Variants in ABCC2 observed in about 807,000 individuals in gnomAD.
The protein encoded by ABCC2 is ATP-binding cassette sub-family C member 2.
ABCC2 carries 157 observed loss-of-function variants against 173.4 expected under a neutral mutation model. That is an observed-to-expected ratio of 0.91 (90% CI 0.80 to 1.03). The LOEUF (loss-of-function observed/expected upper bound fraction) is 1.03, where lower values mean the gene tolerates loss of function less well. Ranked by LOEUF, ABCC2 falls within the 50% of genes least tolerant of loss-of-function variation. The probability of loss-of-function intolerance (pLI) is 0.00; values close to 1 mark genes in which losing one functional copy is unlikely to be tolerated. For synonymous variants in ABCC2, 657 were observed against 693.5 expected, an observed-to-expected ratio of 0.95 and a Z score of 0.83; for missense variants, 1,822 against 1,852.3, an observed-to-expected ratio of 0.98 and a Z score of 0.30.
At chr10:99,813,470 C>G (rs1416643272) in intron 16 of ABCC2, among the ~76,000 whole-genome samples, 1 of 152,194 alleles carries the variant, frequency 6.6e-6, no homozygotes, top group Non-Finnish European at 1.5e-5. Context: ...AATCCCAGCA[C>G]TTTGAGAGGC....
chr10:99,826,069 G>A (rs1359024120), intron 19 of ABCC2, among the ~76,000 whole-genome samples: 1 of 152,126 alleles, frequency 6.6e-6, no homozygotes, highest in Non-Finnish European at 1.5e-5. Context: ...TTACATCTTG[G>A]ACATAAGTCA....
rs951539092 is a variant in ABCC2 at position 99,804,080 on chromosome 10, T to G, written c.1271T>G (p.Met424Arg). 3.1e-6 allele frequency: 5 copies of G among 1,614,090 alleles called. No individual in the cohort carries two copies. In the African/African-American group the frequency reaches 6.7e-5, roughly 22 times the overall value. ...ACCGTTGGAGAAACAGTGAACCTGATGTCTGTGGATGCCCAGAAGCTCATG... is the reference window on the plus strand; with the variant it reads ...ACCGTTGGAGAAACAGTGAACCTGAGGTCTGTGGATGCCCAGAAGCTCATG... ...EYTVGETVNL[M>R]SVDAQKLMDV... The change falls in exon 10 of 32, where the codon ATG becomes AGG. Residue 424 changes from methionine to arginine, a missense_variant. Physicochemically the swap from Met to Arg is moderately conservative, Grantham distance 91 (BLOSUM62 -1). Transcript: ENST00000647814.
At chr10:99,814,104 C>CATATATGTGTAT (rs1564682979) in intron 16 of ABCC2, among the ~76,000 whole-genome samples, 11 of 129,032 alleles carry the variant, frequency 8.5e-5, no homozygotes, top group African/African-American at 3.2e-4. Flanking sequence ...TATATATACA[C>CATATATGTGTAT]ACATATGTGT....
chr10:99,812,866 C>A, intron 15 of ABCC2, 152 bp from the exon 16 acceptor site: 1 of 905,794 alleles, frequency 1.1e-6, no homozygotes, highest in Non-Finnish European at 1.8e-6. Context: ...ATTAAAGAAG[C>A]ACTTTGGGGT....
intron 30 of ABCC2, 22 bp downstream of exon 30, chr10:99,847,149 C>T (rs1378313980): frequency 1.2e-6 from 2 of 1,613,202 alleles, no homozygotes; most frequent in Middle Eastern, 1.7e-4. Flanking sequence ...TAGCCTGCTA[C>T]CCCTGCAGGC....
chr10:99,818,678 T>C (rs1003029783), intron 17 of ABCC2, 112 bp from the exon 18 acceptor site: 30 of 1,091,662 alleles, frequency 2.7e-5, no homozygotes, highest in Non-Finnish European at 4.1e-5. Context: ...GTAAGATTTT[T>C]AACCCCTTGA....
chr10:99,828,767 TGTGTG>T lies in ABCC2; in HGVS notation c.2621-1539_2621-1535del, dbSNP rs1280763144. Among the ~76,000 whole-genome samples, 4 of 152,008 alleles carry T rather than the reference TGTGTG, an allele frequency of 2.6e-5. No homozygotes were observed. In the East Asian group the frequency reaches 7.7e-4, roughly 29 times the overall value. On this transcript the variant is annotated intron_variant, in intron 19 of 31. Coordinates refer to ENST00000647814, the MANE Select transcript of ABCC2 (RefSeq NM_000392.5). Reference sequence around the variant, plus strand: ...TCTCAGCCTTTGCTGAGAGGTTCTGTGTGTGTGTTGTGGGTGGTGGGGAGCATGTC... The same window carrying T: ...TCTCAGCCTTTGCTGAGAGGTTCTGTTGTTGTGGGTGGTGGGGAGCATGTC...
rs775582637 is a variant in ABCC2, at chr10:99,819,228, A to G, written c.2579A>G (p.Lys860Arg). 3 of 1,614,034 alleles carry G rather than the reference A, an allele frequency of 1.9e-6. No homozygotes were observed. Among genetic ancestry groups the G allele is most frequent in the Admixed American group, 1.7e-5 (1 of 60,012 alleles). The part of the protein sequence containing the change: ...AKKGEFAKNL[K>R]TFLRHTGPEE... ...AAAGGAGAGTTTGCTAAGAATCTGA[A>G]GACATTTCTAAGACATACAGGCCCT... The change falls in exon 19 of 32, where the codon AAG (lysine) becomes AGG (arginine). Residue 860 changes from lysine to arginine, a missense_variant. Coordinates refer to ENST00000647814, the MANE Select transcript of ABCC2 (RefSeq NM_000392.5).
At chr10:99,787,133 A>C (rs1376244593) in intron 2 of ABCC2, among the ~76,000 whole-genome samples, 3 of 149,236 alleles carry the variant, frequency 2.0e-5, no homozygotes, top group African/African-American at 7.4e-5. Flanking sequence ...GTGCCACTGC[A>C]CTCCAGCTTC....
intron 24 of ABCC2, among the ~76,000 whole-genome samples, chr10:99,835,795 T>G (rs2133123480): frequency 6.6e-6 from 1 of 152,192 alleles, no homozygotes; most frequent in East Asian, 1.9e-4. Flanking sequence ...CTGGGGGATA[T>G]GGGTTAGGCT....
In ABCC2 at chr10:99,816,282, G is replaced by T. The variant is rs185739478; in HGVS notation, c.2095-1026G>T. Among the ~76,000 whole-genome samples the T allele has an allele frequency of 4.4e-3, 552 of 124,568 alleles. 2 individuals are homozygous for T. Among genetic ancestry groups the T allele is most frequent in the South Asian group, 0.011 (44 of 4,174 alleles). 81.7% of individuals were successfully genotyped at this position (124,568 alleles called of 152,430 possible). A position where few individuals can be genotyped will look rare whatever the true frequency, so the allele number is the denominator to read the frequency against. On this transcript the variant is annotated intron_variant, in intron 16 of 31. Transcript: ENST00000647814. ...CGCCCGGCCTCCATCTCTGTTTTTT[G>T]TTTGTTTGTTTGTTTGTTTGAGATG...
In ABCC2 at chr10:99,817,454, TGGA is replaced by T. The variant is rs779882562; in HGVS notation, c.2246_2248del (p.Gly749del). On this transcript the variant is annotated inframe_deletion, in exon 17 of 32. Transcript: ENST00000647814. ...TCCTCCCAGACTTGGAAATGCTGCC[TGGA>T]GGAGATTTGGCTGAGATTGGAGAGA... 3 of 1,614,124 alleles carry T rather than the reference TGGA, an allele frequency of 1.9e-6. No homozygotes were observed. The highest frequency in any genetic ancestry group is 2.2e-5 in the East Asian group (1 of 44,878).
Position 99,845,696 on chromosome 10 carries a change from G to A in ABCC2, c.4060G>A (p.Ala1354Thr). The A allele has an allele frequency of 6.2e-7, 1 of 1,614,130 alleles. No individual in the cohort carries two copies. Among genetic ancestry groups the A allele is most frequent in the Non-Finnish European group, 8.5e-7 (1 of 1,180,026 alleles). Reference sequence around the variant, plus strand: ...CTGCCTCTTCAGAATCTTAGAGGCTGCCGGTGGTCAGATTATCATTGATGG... The same window carrying A: ...CTGCCTCTTCAGAATCTTAGAGGCTACCGGTGGTCAGATTATCATTGATGG... ...TNCLFRILEA[A>T]GGQIIIDGVD... Residue 1354 changes from alanine to threonine, a missense_variant, in exon 29 of 32, where the codon GCC becomes ACC. Transcript: ENST00000647814.
chr10:99,819,036 A>G (rs1270586280), intron 18 of ABCC2, 53 bp from the exon 19 acceptor site: 3 of 1,612,450 alleles, frequency 1.9e-6, no homozygotes, highest in East Asian at 2.2e-5. Flanking sequence ...CAAGTAAGAC[A>G]GGGAAGATGG....
chr10:99,824,302 T>C (rs1200509417), intron 19 of ABCC2, among the ~76,000 whole-genome samples: 1 of 141,882 alleles, frequency 7.0e-6, no homozygotes, highest in Non-Finnish European at 1.5e-5. Context: ...TTTTGTGGCT[T>C]AATTTTTCTA....
chr10:99,814,109 ATGTG>A (rs1554850424), intron 16 of ABCC2, among the ~76,000 whole-genome samples: 5 of 141,720 alleles, frequency 3.5e-5, no homozygotes, highest in African/African-American at 5.3e-5. Flanking sequence ...ATACACACAT[ATGTG>A]TATATACACA....
intron 25 of ABCC2, among the ~76,000 whole-genome samples, chr10:99,840,368 C>T (rs1415912859): frequency 2.1e-5 from 3 of 145,030 alleles, no homozygotes; most frequent in Non-Finnish European, 4.6e-5. Flanking sequence ...GCAGCGCAGC[C>T]GCGCCAACCA....
chr10:99,841,185 T>A (rs2038938324), intron 25 of ABCC2, among the ~76,000 whole-genome samples: 1 of 152,182 alleles, frequency 6.6e-6, no homozygotes, highest in Admixed American at 6.5e-5. Flanking sequence ...TACTTTTTAA[T>A]CTTACACATG....
chr10:99,814,631 A>ATATACACATATACACACACATG, intron 16 of ABCC2, among the ~76,000 whole-genome samples: 1 of 105,140 alleles, frequency 9.5e-6, no homozygotes, highest in African/African-American at 3.8e-5. Flanking sequence ...ATACACACAT[A>ATATACACATATACACACACATG]TGTGTATATA....
Sources: gnomAD v4.1 joint callset for allele counts (sites outside exome capture counted in the v4.1 genomes callset) on GRCh38, gnomAD v4.1.1 for gene constraint, MANE v1.5 for transcripts, NCBI Gene and HGNC (gene_info 2026-07-23, HGNC 2026-07-21) for gene names.